Variants in FLG observed in about 807,000 individuals in gnomAD.
FLG encodes filaggrin, also known as epidermal filaggrin.
Under a neutral mutation model 3.8 loss-of-function variants are expected in FLG, and 6 were observed. The observed-to-expected ratio is 1.60, with a 90% CI of 0.87 to 3.15. The LOEUF (loss-of-function observed/expected upper bound fraction) is 3.15. Among genes scored for constraint, FLG ranks in the 30% most tolerant of loss-of-function variants. The pLI is 0.00. For synonymous variants in FLG, 2,551 were observed against 1,931.6 expected, an observed-to-expected ratio of 1.32 and a Z score of -8.41; for missense variants, 7,595 against 5,050.9, an observed-to-expected ratio of 1.50 and a Z score of -15.27.
rs146212122 is a variant in FLG at position 152,303,446 on chromosome 1, G to A, written c.11440C>T (p.Arg3814Cys). 2.3e-3 allele frequency: 3,689 copies of A among 1,613,782 alleles called. 11 individuals are homozygous for A. The highest frequency in any genetic ancestry group is 2.8e-3 in the Non-Finnish European group (3,298 of 1,179,966). The change falls in exon 3 of 3, where the codon CGT (arginine) becomes TGT (cysteine). Residue 3814 changes from arginine to cysteine, a missense_variant. Physicochemically the swap from Arg to Cys is radical, Grantham distance 180. Coordinates refer to ENST00000368799, the MANE Select transcript of FLG (RefSeq NM_002016.2). The stretch of plus-strand genomic sequence containing the variant: ...CCGTCTCCTGACTGTTCCTCATTAC[G>A]TGTTTCTCTGCTTGCACTTCTGGAT... Reference protein sequence around the residue: ...SGSRSASRETRNEEQSGDGSR... With the variant: ...SGSRSASRETCNEEQSGDGSR...
In FLG at chr1:152,309,692, G is replaced by T. The variant is rs909253155; in HGVS notation, c.5194C>A (p.Gln1732Lys). 1 of 1,613,994 alleles carries T rather than the reference G, an allele frequency of 6.2e-7. No individual in the cohort carries two copies. The highest frequency in any genetic ancestry group is 1.3e-5 in the African/African-American group (1 of 74,998). The change falls in exon 3 of 3, where the codon CAG becomes AAG. Residue 1732 changes from glutamine (Q) to lysine (K), a missense_variant. Physicochemically the swap from Gln to Lys is moderately conservative, Grantham distance 53. Coordinates refer to ENST00000368799, the MANE Select transcript of FLG (RefSeq NM_002016.2). ...SEGHSEESDT[Q>K]SVSAHGQAGP... ...GCCTGTCCGTGGGCTGACACTGACT[G>T]TGTGTCTGACTCTTCTGAGTGTCCC...
rs762486366 is a variant in FLG, at chr1:152,309,392, A to G, written c.5494T>C (p.Ser1832Pro). ...GGRQGSHYEQSVDSSGHSGSH... is the reference protein window; with the variant it reads ...GGRQGSHYEQPVDSSGHSGSH... ...CCTGAGTGTCCAGAACTATCTACCG[A>G]TTGCTCATAGTGGGATCCCTGCCTT... Residue 1832 changes from serine (S) to proline (P), a missense_variant, in exon 3 of 3, where the codon TCG becomes CCG. Ser to Pro is a moderately conservative substitution (Grantham distance 74, BLOSUM62 -1). Transcript: ENST00000368799. The G allele has an allele frequency of 6.2e-7, 1 of 1,613,060 alleles. No homozygotes were observed. The highest frequency in any genetic ancestry group is 1.7e-5 in the Admixed American group (1 of 59,926).
In FLG at chr1:152,314,732, C is replaced by G. The variant is rs1473403057; in HGVS notation, c.154G>C (p.Asp52His). ...RQILKNPDDP[D>H]MVDVFMDHLD... ...TGATCCATGAAGACATCAACCATAT[C>G]TGGGTCATCTGGATTCTGTACAGAG... The change falls in exon 3 of 3, where the codon GAT becomes CAT. Residue 52 changes from aspartate to histidine, a missense_variant. Coordinates refer to ENST00000368799, the MANE Select transcript of FLG (RefSeq NM_002016.2). The G allele has an allele frequency of 5.0e-6, 8 of 1,613,724 alleles. No individual in the cohort carries two copies. The highest frequency in any genetic ancestry group is 6.8e-6 in the Non-Finnish European group (8 of 1,179,796).
rs569186203 is a variant in FLG at position 152,304,028 on chromosome 1, A to C, written c.10858T>G (p.Ser3620Ala). ...QAASSHEQAR[S>A]SAGERHGSHH... ...GATCCATGTCTCTCTCCTGCACTTG[A>C]TCTTGCCTGTTCATGGGATGATGCA... The change falls in exon 3 of 3, where the codon TCA (serine) becomes GCA (alanine). Residue 3620 changes from serine to alanine, a missense_variant. Transcript: ENST00000368799. 3.7e-5 allele frequency: 59 copies of C among 1,613,344 alleles called. No individual in the cohort carries two copies. In the South Asian group the frequency reaches 6.4e-4, roughly 17 times the overall value.
Position 152,314,006 on chromosome 1 carries a change from C to T in FLG, c.880G>A (p.Gly294Arg). 1 of 1,614,188 alleles carries T rather than the reference C, an allele frequency of 6.2e-7. No individual in the cohort carries two copies. The highest frequency in any genetic ancestry group is 8.5e-7 in the Non-Finnish European group (1 of 1,180,032). ...TCCCTGTCCTGGCTAACTCTGGATC[C>T]CCTACGCTTTCTTGTCCTGGACTCC... ...LQESRTRKRR[G>R]SRVSQDRDSE... Residue 294 changes from glycine to arginine, a missense_variant, in exon 3 of 3, where the codon GGA (glycine) becomes AGA (arginine). By Grantham distance (125) the Gly-to-Arg change is moderately radical. Transcript: ENST00000368799.
rs767316041 is a variant in FLG, at chr1:152,310,325, G to A, written c.4561C>T (p.His1521Tyr). ...TCAGACCTTCCCTGGGGTGTGGTGTGGCTGTGATGGTACCCTGAGTGTCCA... is the reference window on the plus strand; with the variant it reads ...TCAGACCTTCCCTGGGGTGTGGTGTAGCTGTGATGGTACCCTGAGTGTCCA... ...RSGHSGYHHS[H>Y]TTPQGRSDAS... Residue 1521 changes from histidine (H) to tyrosine (Y), a missense_variant, in exon 3 of 3, where the codon CAC (histidine) becomes TAC (tyrosine). Physicochemically the swap from His to Tyr is moderately conservative, Grantham distance 83 (BLOSUM62 2). Transcript: ENST00000368799. 1 of 1,613,892 alleles carries A rather than the reference G, an allele frequency of 6.2e-7. No homozygotes were observed. Among genetic ancestry groups the A allele is most frequent in the East Asian group, 2.2e-5 (1 of 44,842 alleles).
In FLG at chr1:152,308,333, C is replaced by T. The variant is rs1420330160; in HGVS notation, c.6553G>A (p.Gly2185Arg). 22 of 1,613,690 alleles carry T rather than the reference C, an allele frequency of 1.4e-5. No individual in the cohort carries two copies. Among genetic ancestry groups the T allele is most frequent in the Non-Finnish European group, 1.9e-5 (22 of 1,179,870 alleles). Reference sequence around the variant, plus strand: ...GTTTTTCTGCTTGCACTTCTGGATCCTGACTGCCCACGGGAGGCATCAGAC... The same window carrying T: ...GTTTTTCTGCTTGCACTTCTGGATCTTGACTGCCCACGGGAGGCATCAGAC... ...GRSDASRGQS[G>R]SRSASRKTYD... The change falls in exon 3 of 3, where the codon GGA (glycine) becomes AGA (arginine). Residue 2185 changes from glycine to arginine, a missense_variant. Coordinates refer to ENST00000368799, the MANE Select transcript of FLG (RefSeq NM_002016.2).
At position 152,313,140 on chromosome 1, in the gene FLG, C is replaced by T. The variant is rs774382105; in HGVS notation, c.1746G>A (p.Arg582=). 31 of 1,613,702 alleles carry T rather than the reference C, an allele frequency of 1.9e-5. No individual in the cohort carries two copies. The South Asian group carries it at 2.0e-4, about 10-fold the overall frequency. ...CTTCATGATGACGTGACCCTGAGTG[C>T]CTGGTGCCGTCTCCTGATTGTTCCT... ...RNEEQSGDGT[R]HSGSRHHEAS... The change falls in exon 3 of 3, where the codon AGG becomes AGA. Residue 582 remains arginine, a synonymous_variant. Transcript: ENST00000368799.
chr1:152,314,799 T>C (rs761432475), intron 2 of FLG, 52 bp from the exon 3 acceptor site: 1 of 1,608,018 alleles, frequency 6.2e-7, no homozygotes, highest in Non-Finnish European at 8.5e-7. Context: ...AATCACATTA[T>C]CAGCCAATTA....
At position 152,310,014 on chromosome 1, in the gene FLG, C is replaced by T. The variant is rs749330300; in HGVS notation, c.4872G>A (p.Glu1624=). 3.1e-6 allele frequency: 5 copies of T among 1,613,952 alleles called. No homozygotes were observed. The South Asian group carries it at 4.4e-5, about 14-fold the overall frequency. ...GGTTCCTGGAGCCATGTCTTGACTG[C>T]TCCCGAGCAGATCCATAATGGTTTC... is the stretch of plus-strand genomic sequence containing the variant. ...ASRNHYGSAR[E]QSRHGSRNPR... Residue 1624 remains glutamate (E), a synonymous_variant, in exon 3 of 3, where the codon GAG becomes GAA. Transcript: ENST00000368799.
Position 152,313,178 on chromosome 1 carries a change from G to T in FLG, c.1708C>A (p.Gln570Lys), listed in dbSNP as rs192402912. 2.2e-5 allele frequency: 35 copies of T among 1,613,724 alleles called. 1 individual carries two copies. The South Asian group carries it at 2.7e-4, about 13-fold the overall frequency. The change falls in exon 3 of 3, where the codon CAA (glutamine) becomes AAA (lysine). Residue 570 changes from glutamine to lysine, a missense_variant. Physicochemically the swap from Gln to Lys is moderately conservative, Grantham distance 53. Transcript: ENST00000368799. ...CCTGATTGTTCCTCATTTCGTGTTT[G>T]TCTGCTTGCACTTCTGGATCCTGAC... ...GQSGSRSASR[Q>K]TRNEEQSGDG...
rs146408041 is a variant in FLG at position 152,313,629 on chromosome 1, A to G, written c.1257T>C (p.Gly419=). The G allele has an allele frequency of 1.9e-6, 3 of 1,613,264 alleles. No individual in the cohort carries two copies. The highest frequency in any genetic ancestry group is 2.5e-6 in the Non-Finnish European group (3 of 1,179,856). ...GTCCCTCACTGTCACTGGCCTGACT[A>G]CCGCTAGACCCCCGGTGTCCACGAT... ...VSDRGHRGSS[G]SQASDSEGHS... is the part of the protein sequence containing the mutation. The change falls in exon 3 of 3, where the codon GGT becomes GGC. Residue 419 remains glycine (G), a synonymous_variant. Transcript: ENST00000368799.
Position 152,304,299 on chromosome 1 carries a change from G to T in FLG, c.10587C>A (p.Pro3529=). The part of the protein sequence containing the change: ...SQSGQGQSAG[P]RTSRNQGSSV... ...TGGATCCCTGGTTCCTGCTTGTCCT[G>T]GGCCCCGCTGATTGTCCCTGGCCGG... The change falls in exon 3 of 3, where the codon CCC becomes CCA. Residue 3529 remains proline, a synonymous_variant. Transcript: ENST00000368799. 6.2e-7 allele frequency: 1 copy of T among 1,612,314 alleles called. No homozygotes were observed. Among genetic ancestry groups the T allele is most frequent in the Non-Finnish European group, 8.5e-7 (1 of 1,179,034 alleles).
At position 152,309,903 on chromosome 1, in the gene FLG, G is replaced by A. The variant is rs1230662505; in HGVS notation, c.4983C>T (p.Ser1661=). The part of the protein sequence containing the change: ...RQSGTRHAET[S]SGGQAASSQE... ...GGGATGATGCAGCCTGTCCACCAGA[G>A]GAAGTCTCTGCATGACGAGTGCCTG... The change falls in exon 3 of 3, where the codon TCC becomes TCT. Residue 1661 remains serine, a synonymous_variant. Transcript: ENST00000368799. 2 of 1,614,114 alleles carry A rather than the reference G, an allele frequency of 1.2e-6. No individual in the cohort carries two copies. Among genetic ancestry groups the A allele is most frequent in the Non-Finnish European group, 1.7e-6 (2 of 1,180,030 alleles).
In FLG at chr1:152,311,500, G is replaced by T; in HGVS notation, c.3386C>A (p.Ser1129Tyr). ...GCTGGTCCTGGTCCGCCCATGGGCAGACTCAGACTGTTCATGAGTGCTCAC... is the reference window on the plus strand; with the variant it reads ...GCTGGTCCTGGTCCGCCCATGGGCATACTCAGACTGTTCATGAGTGCTCAC... ...YQVSTHEQSE[S>Y]AHGRTRTSTG... is the part of the protein sequence containing the mutation. The change falls in exon 3 of 3, where the codon TCT becomes TAT. Residue 1129 changes from serine (S) to tyrosine (Y), a missense_variant. Physicochemically the swap from Ser to Tyr is moderately radical, Grantham distance 144. Transcript: ENST00000368799. 6.2e-7 allele frequency: 1 copy of T among 1,613,858 alleles called. No homozygotes were observed. Among genetic ancestry groups the T allele is most frequent in the East Asian group, 2.2e-5 (1 of 44,794 alleles).
At chr1:152,315,958 A>T (rs915318166) in intron 1 of FLG, among the ~76,000 whole-genome samples, 4 of 152,176 alleles carry the variant, frequency 2.6e-5, no homozygotes, top group Non-Finnish European at 4.4e-5. Context: ...TCAATTTTTT[A>T]TTTGTTTTTT....
Position 152,303,986 on chromosome 1 carries a change from C to A in FLG, c.10900G>T (p.Ala3634Ser). Residue 3634 changes from alanine (A) to serine (S), a missense_variant, in exon 3 of 3, where the codon GCA (alanine) becomes TCA (serine). Ala to Ser is a moderately conservative substitution (Grantham distance 99). Transcript: ENST00000368799. ...ATGCCTGAGTGTCTGGAGCTGTCTG[C>A]TGACTGCTGGTGGTGGGATCCATGT... ...ERHGSHHQQS[A>S]DSSRHSGIGH... is the part of the protein sequence containing the mutation. 5 of 1,613,936 alleles carry A rather than the reference C, an allele frequency of 3.1e-6. No individual in the cohort carries two copies. The highest frequency in any genetic ancestry group is 4.2e-6 in the Non-Finnish European group (5 of 1,180,008).
At position 152,305,429 on chromosome 1, in the gene FLG, G is replaced by A. The variant is rs148315024; in HGVS notation, c.9457C>T (p.Arg3153Cys). The A allele has an allele frequency of 3.5e-5, 56 of 1,599,104 alleles. No individual in the cohort carries two copies. In the African/African-American group the frequency reaches 5.0e-4, roughly 14 times the overall value. ...TTSQGRSDAS[R>C]GQSGSRSASR... is the part of the protein sequence containing the mutation. ...GCACTTCTGGATCCTGACTGCCCAC[G>A]GGAGGCATCAGACCTTCCCTGGGAT... The change falls in exon 3 of 3, where the codon CGT becomes TGT. Residue 3153 changes from arginine to cysteine, a missense_variant. By Grantham distance (180) the Arg-to-Cys change is radical. Coordinates refer to ENST00000368799, the MANE Select transcript of FLG (RefSeq NM_002016.2).
rs145736320 is a variant in FLG, at chr1:152,314,489, T to G, written c.397A>C (p.Asn133His). The G allele has an allele frequency of 1.2e-6, 2 of 1,613,790 alleles. No individual in the cohort carries two copies. The highest frequency in any genetic ancestry group is 1.7e-6 in the Non-Finnish European group (2 of 1,179,852). Reference sequence around the variant, plus strand: ...GATCTTCCCTTATTCCCTTTTCTATTGTTTCTTCTTTCCAGACTTGAGGGT... The same window carrying G: ...GATCTTCCCTTATTCCCTTTTCTATGGTTTCTTCTTTCCAGACTTGAGGGT... The part of the protein sequence containing the change: ...KRPSSLERRN[N>H]RKGNKGRSKS... The change falls in exon 3 of 3, where the codon AAT becomes CAT. Residue 133 changes from asparagine (N) to histidine (H), a missense_variant. Coordinates refer to ENST00000368799, the MANE Select transcript of FLG (RefSeq NM_002016.2).
Sources: allele counts gnomAD v4.1 joint callset (sites outside exome capture counted in the v4.1 genomes callset), GRCh38; gene constraint gnomAD v4.1.1; transcripts MANE v1.5; gene names NCBI Gene and HGNC (gene_info 2026-07-23, HGNC 2026-07-21).